The following NSMCE2 variants were observed in gnomAD, a reference collection of about 807,000 sequenced individuals.
NSMCE2 encodes the protein NSE2 SUMO ligase component of SMC5/6 complex.
A neutral mutation model predicts 23.8 loss-of-function variants in NSMCE2; 24 were observed. The ratio of observed to expected loss-of-function variants is 1.01; its 90% CI spans 0.73 to 1.42. The LOEUF (loss-of-function observed/expected upper bound fraction) is 1.42, where lower values mean the gene tolerates loss of function less well. Among genes scored for constraint, NSMCE2 ranks in the 40% most tolerant of loss-of-function variants. The pLI, the probability that NSMCE2 is intolerant of heterozygous loss-of-function variation, is 0.00. For synonymous variants in NSMCE2, 92 were observed against 94.1 expected (o/e 0.98, Z 0.13); for missense variants, 284 against 296.5 (o/e 0.96, Z 0.31).
chr8:125,103,192 G>A (rs1818285568), intron 3 of NSMCE2, among the ~76,000 whole-genome samples: 1 of 152,054 alleles, frequency 6.6e-6, no homozygotes, highest in South Asian at 2.1e-4. Flanking sequence ...TGTAATTCCA[G>A]CTACTCGGGA....
At chr8:125,221,998 C>T (rs1370089992) in intron 5 of NSMCE2, among the ~76,000 whole-genome samples, 1 of 152,094 alleles carries the variant, frequency 6.6e-6, no homozygotes, top group Non-Finnish European at 1.5e-5. Context: ...TATAAATATT[C>T]ACCTTATTTG....
chr8:125,243,379 G>A (rs1234979334), intron 5 of NSMCE2, among the ~76,000 whole-genome samples: 1 of 152,032 alleles, frequency 6.6e-6, no homozygotes, highest in Non-Finnish European at 1.5e-5. Flanking sequence ...ATTTTAAAGG[G>A]CCTTAAGCTG....
At chr8:125,334,362 G>C (rs1189410334) in intron 5 of NSMCE2, among the ~76,000 whole-genome samples, 2 of 152,278 alleles carry the variant, frequency 1.3e-5, no homozygotes, top group African/African-American at 4.8e-5. Context: ...CTGCCCTTGA[G>C]AACAGCGCTG....
intron 5 of NSMCE2, among the ~76,000 whole-genome samples, chr8:125,238,079 GCCTCTTCTGGT>G (rs1392619940): frequency 1.3e-5 from 2 of 152,144 alleles, no homozygotes; most frequent in Non-Finnish European, 2.9e-5. Context: ...TGGCTTCACA[GCCTCTTCTGGT>G]CCTCATCTCA....
intron 5 of NSMCE2, among the ~76,000 whole-genome samples, chr8:125,320,748 G>A (rs1829419829): frequency 6.6e-6 from 1 of 152,048 alleles, no homozygotes. Flanking sequence ...ATGTTAAAGG[G>A]AAACCCTTCA....
At chr8:125,339,779 G>C (rs984622868) in intron 5 of NSMCE2, among the ~76,000 whole-genome samples, 1 of 152,020 alleles carries the variant, frequency 6.6e-6, no homozygotes, top group African/African-American at 2.4e-5. Flanking sequence ...GGCCCCCTGA[G>C]CTTGCCTCTC....
intron 5 of NSMCE2, among the ~76,000 whole-genome samples, chr8:125,198,198 G>T (rs1022140540): frequency 1.4e-4 from 21 of 152,038 alleles, no homozygotes; most frequent in African/African-American, 5.1e-4. Context: ...TTGCCTGATT[G>T]CCCTGGCCAG....
intron 5 of NSMCE2, among the ~76,000 whole-genome samples, chr8:125,193,184 A>G (rs1823439939): frequency 6.6e-6 from 1 of 152,238 alleles, no homozygotes. Flanking sequence ...TATGATTACA[A>G]GTAGGTTAAC....
intron 4 of NSMCE2, among the ~76,000 whole-genome samples, chr8:125,158,703 A>G (rs183085509): frequency 9.3e-4 from 141 of 151,610 alleles, no homozygotes; most frequent in African/African-American, 3.3e-3. Flanking sequence ...TTAGATGTCA[A>G]TTTAACTTCC....
Position 125,102,370 on chromosome 8 carries a change from T to G in NSMCE2, c.40T>G (p.Phe14Val). The G allele has an allele frequency of 6.2e-7, 1 of 1,613,850 alleles. No homozygotes were observed. The highest frequency in any genetic ancestry group is 8.5e-7 in the Non-Finnish European group (1 of 1,179,714). The change falls in exon 3 of 8, where the codon TTC (phenylalanine) becomes GTC (valine). Residue 14 changes from phenylalanine to valine, a missense_variant. By Grantham distance (50) the Phe-to-Val change is conservative. Transcript: ENST00000287437. ...CAGTTCAAATTCAGGTTCAACTGGT[T>G]TCATCTCCTTCAGTGGTGTAGAGTC... is the stretch of plus-strand genomic sequence containing the variant. The part of the protein sequence containing the change: ...RSSSNSGSTG[F>V]ISFSGVESAL...
intron 5 of NSMCE2, among the ~76,000 whole-genome samples, chr8:125,331,635 C>T (rs1030369246): frequency 6.6e-6 from 1 of 151,798 alleles, no homozygotes; most frequent in African/African-American, 2.4e-5. Flanking sequence ...ACACTTTTCT[C>T]TTAATCCTTC....
intron 4 of NSMCE2, among the ~76,000 whole-genome samples, chr8:125,171,997 G>A (rs566809019): frequency 1.7e-4 from 26 of 152,022 alleles, no homozygotes; most frequent in Non-Finnish European, 2.8e-4. Context: ...GACCATGTTG[G>A]CTACTGTATT....
At chr8:125,348,529 T>G (rs1247323381) in intron 5 of NSMCE2, 1 of 152,178 alleles carries the variant, frequency 6.6e-6, no homozygotes, top group East Asian at 1.9e-4. Flanking sequence ...AAATCTCATC[T>G]TGAATTGTAG....
intron 5 of NSMCE2, among the ~76,000 whole-genome samples, chr8:125,223,644 T>C (rs1824967005): frequency 6.6e-6 from 1 of 152,216 alleles, no homozygotes; most frequent in South Asian, 2.1e-4. Flanking sequence ...ACTTGTCTTT[T>C]GTCTTTTTGC....
chr8:125,235,340 C>T (rs568739511), intron 5 of NSMCE2, among the ~76,000 whole-genome samples: 3 of 151,360 alleles, frequency 2.0e-5, no homozygotes, highest in Non-Finnish European at 4.4e-5. Flanking sequence ...TCTATTTGCC[C>T]TTGAGCATAT....
At chr8:125,152,741 A>G (rs1563683004) in intron 4 of NSMCE2, among the ~76,000 whole-genome samples, 1 of 152,130 alleles carries the variant, frequency 6.6e-6, no homozygotes, top group Admixed American at 6.6e-5. Context: ...ATTTGCAGAT[A>G]CTTAAGGTAT....
intron 5 of NSMCE2, among the ~76,000 whole-genome samples, chr8:125,238,129 C>A (rs961792208): frequency 6.6e-6 from 1 of 152,160 alleles, no homozygotes; most frequent in Non-Finnish European, 1.5e-5. Flanking sequence ...GCATCATATT[C>A]AAGTCCCCTC....
At chr8:125,234,178 G>T (rs1825446419) in intron 5 of NSMCE2, among the ~76,000 whole-genome samples, 2 of 152,084 alleles carry the variant, frequency 1.3e-5, no homozygotes, top group African/African-American at 4.8e-5. Flanking sequence ...GGGCGACAGA[G>T]CGAGACTCCG....
chr8:125,327,117 AT>A (rs1829697146), intron 5 of NSMCE2, among the ~76,000 whole-genome samples: 1 of 151,058 alleles, frequency 6.6e-6, no homozygotes, highest in African/African-American at 2.4e-5. Flanking sequence ...ATAAAAAAAA[AT>A]TAGCCGGCGT....
Sources: allele counts gnomAD v4.1 joint callset (sites outside exome capture counted in the v4.1 genomes callset), GRCh38; gene constraint gnomAD v4.1.1; transcripts MANE v1.5; gene names NCBI Gene and HGNC (gene_info 2026-07-23, HGNC 2026-07-21).